The following LEPR variants were observed in gnomAD, a reference collection of about 807,000 sequenced individuals.
LEPR encodes leptin receptor.
LEPR carries 56 observed loss-of-function variants against 114.7 expected under a neutral mutation model. The ratio of observed to expected loss-of-function variants is 0.49; its 90% CI spans 0.39 to 0.61. The LOEUF (loss-of-function observed/expected upper bound fraction) is 0.61, where lower values mean the gene tolerates loss of function less well. Among genes scored for constraint, LEPR ranks in the 20% least tolerant of loss-of-function variants. The pLI is 0.00. For missense variants in LEPR, 1,202 were observed against 1,352.9 expected (o/e 0.89, Z 1.75); for synonymous variants, 443 against 461.4 (o/e 0.96, Z 0.51).
intron 2 of LEPR, among the ~76,000 whole-genome samples, chr1:65,505,626 C>T: frequency 6.6e-6 from 1 of 152,110 alleles, no homozygotes; most frequent in East Asian, 1.9e-4. Flanking sequence ...GCGTTTGTTG[C>T]AACTCCAGCT....
chr1:65,586,491 C>G (rs1196361997), intron 5 of LEPR, among the ~76,000 whole-genome samples: 1 of 151,968 alleles, frequency 6.6e-6, no homozygotes, highest in Non-Finnish European at 1.5e-5. Flanking sequence ...TGTGGACCAT[C>G]CTGTCTTGGT....
At chr1:65,423,902 C>T (rs909852180) in intron 1 of LEPR, among the ~76,000 whole-genome samples, 1 of 152,156 alleles carries the variant, frequency 6.6e-6, no homozygotes, top group Non-Finnish European at 1.5e-5. Flanking sequence ...GAGTAGATAC[C>T]TGAGTCAGTC....
At chr1:65,424,284 T>C (rs141912374) in intron 1 of LEPR, among the ~76,000 whole-genome samples, 313 of 152,338 alleles carry the variant, frequency 2.1e-3, no homozygotes, top group African/African-American at 6.7e-3. Context: ...AATCTTCAAA[T>C]ACTTGCAGTA....
chr1:65,459,912 C>A (rs562798714), intron 2 of LEPR, among the ~76,000 whole-genome samples: 4 of 152,286 alleles, frequency 2.6e-5, no homozygotes, highest in African/African-American at 7.2e-5. Context: ...TCCCCTATAT[C>A]TTTATATAAC....
At chr1:65,433,616 A>G (rs1321850745) in intron 2 of LEPR, 1 of 985,308 alleles carries the variant, frequency 1.0e-6, no homozygotes, top group Admixed American at 6.1e-5. Flanking sequence ...GTTAATGTGC[A>G]ACGTTATTTT....
intron 2 of LEPR, among the ~76,000 whole-genome samples, chr1:65,527,141 G>A (rs1650029463): frequency 6.6e-6 from 1 of 152,184 alleles, no homozygotes; most frequent in South Asian, 2.1e-4. Flanking sequence ...GTGTTTGAAG[G>A]AAAACAAACA....
chr1:65,532,579 CCCAAATGT>C (rs1650477920), intron 2 of LEPR, among the ~76,000 whole-genome samples: 1 of 152,080 alleles, frequency 6.6e-6, no homozygotes, highest in African/African-American at 2.4e-5. Context: ...ACAGAAACTG[CCCAAATGT>C]CCATACACTG....
At chr1:65,484,686 T>C (rs10158592) in intron 2 of LEPR, among the ~76,000 whole-genome samples, 29,318 of 152,026 alleles carry the variant, frequency 0.19, 3,392 homozygotes, top group African/African-American at 0.33. Context: ...AGCCTCTGGC[T>C]TCAATAATAA....
Position 65,439,759 on chromosome 1 carries a change from C to T in LEPR, c.-21+14381C>T, listed in dbSNP as rs183663433. 4.0e-3 allele frequency among the ~76,000 whole-genome samples: 575 copies of T among 145,406 alleles called. 7 individuals are homozygous for T. The highest frequency in any genetic ancestry group is 0.014 in the African/African-American group (552 of 38,844). ...CTTGAACCCAGGAATCACTTGAAGGCAGAGGTTGCAGTGAGCCGAGATCAT... is the reference window on the plus strand; with the variant it reads ...CTTGAACCCAGGAATCACTTGAAGGTAGAGGTTGCAGTGAGCCGAGATCAT... On this transcript the variant is annotated intron_variant, in intron 2 of 19. Transcript: ENST00000349533.
chr1:65,546,740 C>A (rs1254719118), intron 2 of LEPR, among the ~76,000 whole-genome samples: 1 of 152,192 alleles, frequency 6.6e-6, no homozygotes, highest in African/African-American at 2.4e-5. Context: ...GATATACAAT[C>A]ATGTCATCTG....
intron 8 of LEPR, among the ~76,000 whole-genome samples, chr1:65,599,198 A>G (rs1440991386): frequency 6.6e-6 from 1 of 152,158 alleles, no homozygotes; most frequent in Non-Finnish European, 1.5e-5. Flanking sequence ...TTTTTACTCC[A>G]GATGCTTGCT....
At chr1:65,493,972 A>G (rs1179862096) in intron 2 of LEPR, 4 of 152,190 alleles carry the variant, frequency 2.6e-5, no homozygotes, top group East Asian at 3.8e-4. Flanking sequence ...TCAACAGAGT[A>G]AGAAGTTGGC....
intron 2 of LEPR, among the ~76,000 whole-genome samples, chr1:65,496,195 ATT>A (rs992573437): frequency 6.6e-6 from 1 of 152,064 alleles, no homozygotes; most frequent in African/African-American, 2.4e-5. Context: ...GTGTCAATCA[ATT>A]TTTTTTAAAA....
rs546782093 is a variant in LEPR, at chr1:65,638,202, T to G, written c.*1187T>G. 6.6e-6 allele frequency: 1 copy of G among 152,092 alleles called. No individual in the cohort carries two copies. Among genetic ancestry groups the G allele is most frequent in the South Asian group, 2.1e-4 (1 of 4,812 alleles). The allele number at this position is 152,092 out of a possible 1,614,324, so 9.4% of individuals were successfully genotyped here. A position where few individuals can be genotyped will look rare whatever the true frequency, so the allele number is the denominator to read the frequency against. On this transcript the variant is annotated 3_prime_UTR_variant, in exon 20 of 20. Transcript: ENST00000349533. ...TCGTCTCTACAAAAAACACAAAAAT[T>G]AGCTGAGTGTGACAGAAAAAATAAA...
At chr1:65,445,048 T>G (rs1646696695) in intron 2 of LEPR, among the ~76,000 whole-genome samples, 1 of 152,210 alleles carries the variant, frequency 6.6e-6, no homozygotes, top group Non-Finnish European at 1.5e-5. Context: ...GTGTAGGCTA[T>G]GGATTGCCAT....
chr1:65,426,787 A>G (rs1391849335), intron 2 of LEPR, among the ~76,000 whole-genome samples: 1 of 152,036 alleles, frequency 6.6e-6, no homozygotes, highest in African/African-American at 2.4e-5. Context: ...TCACGAGGTC[A>G]AGAGATCGAG....
At chr1:65,634,429 A>G (rs1344256487) in intron 19 of LEPR, 1 of 970,012 alleles carries the variant, frequency 1.0e-6, no homozygotes, top group African/African-American at 1.8e-5. Context: ...ATGTGCCCAG[A>G]TTATTCTAAA....
At chr1:65,600,862 A>G (rs1656397809) in intron 8 of LEPR, among the ~76,000 whole-genome samples, 1 of 152,006 alleles carries the variant, frequency 6.6e-6, no homozygotes, top group Non-Finnish European at 1.5e-5. Context: ...CTGCATTATC[A>G]TTCATACGAC....
chr1:65,625,668 T>C (rs1015278119), intron 19 of LEPR, among the ~76,000 whole-genome samples: 1 of 152,052 alleles, frequency 6.6e-6, no homozygotes, highest in African/African-American at 2.4e-5. Flanking sequence ...GGTGAGTGGA[T>C]AAAGTTAAGC....
Sources: gnomAD v4.1 joint callset for allele counts (sites outside exome capture counted in the v4.1 genomes callset) on GRCh38, gnomAD v4.1.1 for gene constraint, MANE v1.5 for transcripts, NCBI Gene and HGNC (gene_info 2026-07-23, HGNC 2026-07-21) for gene names.